SCN3A: variants seen among roughly 807,000 people sequenced by gnomAD.
SCN3A encodes the protein sodium voltage-gated channel alpha subunit 3.
In SCN3A, 60 loss-of-function variants were observed where a neutral mutation model predicts 187.6. That is an observed-to-expected ratio of 0.32 (90% CI 0.26 to 0.40). The LOEUF (loss-of-function observed/expected upper bound fraction) is 0.40, where lower values mean the gene tolerates loss of function less well. Ranked by LOEUF, SCN3A falls within the 10% of genes least tolerant of loss-of-function variation. SCN3A has a pLI of 1.00. For missense variants in SCN3A, 1,601 were observed against 2,428.2 expected (o/e 0.66, Z 7.16); for synonymous variants, 788 against 829.2 (o/e 0.95, Z 0.85).
chr2:165,161,854 A>G (rs1046320982), intron 9 of SCN3A, among the ~76,000 whole-genome samples: 1 of 152,170 alleles, frequency 6.6e-6, no homozygotes, highest in African/African-American at 2.4e-5. Context: ...CTTCAAGAAT[A>G]CTTAAATATT....
Position 165,137,947 on chromosome 2 carries a change from G to T in SCN3A, c.2323C>A (p.Leu775Ile). Reference protein sequence around the residue: ...AITICIVLNTLFMAMEHYPMT... With the variant: ...AITICIVLNTIFMAMEHYPMT... Reference sequence around the variant, plus strand: ...GGGTAGTGCTCCATGGCCATAAAGAGGGTATTTAAGACAATGCAAATAGTG... The same window carrying T: ...GGGTAGTGCTCCATGGCCATAAAGATGGTATTTAAGACAATGCAAATAGTG... The change falls in exon 15 of 28, where the codon CTC (leucine) becomes ATC (isoleucine). Residue 775 changes from leucine (L) to isoleucine (I), a missense_variant. Physicochemically the swap from Leu to Ile is conservative, Grantham distance 5 (BLOSUM62 2). Around this residue, in one of 11 missense-constraint regions of SCN3A, gnomAD observed 376 missense variants for 476.0 expected, o/e 0.79. Coordinates refer to ENST00000283254, the MANE Select transcript of SCN3A (RefSeq NM_006922.4). 1 of 1,613,448 alleles carries T rather than the reference G, an allele frequency of 6.2e-7. No individual in the cohort carries two copies. The highest frequency in any genetic ancestry group is 8.5e-7 in the Non-Finnish European group (1 of 1,179,516).
chr2:165,123,296 T>C (rs1377809169), intron 18 of SCN3A, among the ~76,000 whole-genome samples: 1 of 152,148 alleles, frequency 6.6e-6, no homozygotes, highest in African/African-American at 2.4e-5. Context: ...TATATACAGA[T>C]GTAATATATA....
At chr2:165,107,951 C>T (rs1685939958) in intron 21 of SCN3A, among the ~76,000 whole-genome samples, 1 of 152,284 alleles carries the variant, frequency 6.6e-6, no homozygotes, top group Middle Eastern at 3.4e-3. Flanking sequence ...CCAAATCCAG[C>T]TTGGCCACTT....
intron 18 of SCN3A, among the ~76,000 whole-genome samples, chr2:165,121,064 A>ATTT (rs201334727): frequency 1.4e-5 from 2 of 146,888 alleles, no homozygotes; most frequent in East Asian, 2.0e-4. Flanking sequence ...ACCAGCTTTA[A>ATTT]TTTTTTTTTT....
At chr2:165,154,333 T>TA in intron 11 of SCN3A, 119 bp downstream of exon 11, 1 of 1,104,844 alleles carries the variant, frequency 9.1e-7, no homozygotes, top group Non-Finnish European at 1.3e-6. Flanking sequence ...TTTTTTCTAA[T>TA]GACAATGCCT....
intron 15 of SCN3A, among the ~76,000 whole-genome samples, chr2:165,135,057 C>G (rs1574181362): frequency 6.6e-6 from 1 of 152,050 alleles, no homozygotes; most frequent in East Asian, 1.9e-4. Context: ...CAGTTAAGGC[C>G]CTAAAAATCA....
intron 16 of SCN3A, 118 bp from the exon 17 acceptor site, chr2:165,130,414 T>C (rs1687242184): frequency 3.0e-6 from 3 of 1,016,736 alleles, no homozygotes; most frequent in Non-Finnish European, 4.5e-6. Flanking sequence ...CAAAATATAC[T>C]GAACTGATTC....
At chr2:165,143,618 C>T (rs148860906) in intron 12 of SCN3A, among the ~76,000 whole-genome samples, 1 of 152,294 alleles carries the variant, frequency 6.6e-6, no homozygotes, top group Non-Finnish European at 1.5e-5. Flanking sequence ...GGAATACCCA[C>T]AGCTGTGGCA....
At chr2:165,146,703 G>C in intron 12 of SCN3A, 36 bp downstream of exon 12, 1 of 1,611,820 alleles carries the variant, frequency 6.2e-7, no homozygotes. Flanking sequence ...CAATAGCAAT[G>C]ACAAAGAAAC....
At chr2:165,188,279 A>G (rs192896984) in intron 1 of SCN3A, among the ~76,000 whole-genome samples, 1 of 152,158 alleles carries the variant, frequency 6.6e-6, no homozygotes, top group East Asian at 1.9e-4. Flanking sequence ...CAAAGAGGAG[A>G]GAGTATTTTT....
Position 165,113,000 on chromosome 2 carries a change from G to C in SCN3A, c.3728C>G (p.Ala1243Gly), listed in dbSNP as rs776076936. The change falls in exon 21 of 28, where the codon GCT (alanine) becomes GGT (glycine). Residue 1243 changes from alanine (A) to glycine (G), a missense_variant. Coordinates refer to ENST00000283254, the MANE Select transcript of SCN3A (RefSeq NM_006922.4). ...GAATATATAGGTAAAGACTTTGTCA[G>C]CATATTCTAGCATGGTTTTGATAGT... ...RKTIKTMLEY[A>G]DKVFTYIFIL... is the part of the protein sequence containing the mutation. 1 of 1,612,684 alleles carries C rather than the reference G, an allele frequency of 6.2e-7. No individual in the cohort carries two copies. The highest frequency in any genetic ancestry group is 8.5e-7 in the Non-Finnish European group (1 of 1,179,332).
chr2:165,146,791 G>GA lies in SCN3A; in HGVS notation c.1618dup (p.Ser540PhefsTer10). On this transcript the variant is annotated frameshift_variant, in exon 12 of 28. Transcript: ENST00000283254. LOFTEE classifies it high-confidence loss of function. ...ACTGGTCAGTCTGTTTCCATCCATG[G>GA]AGAAAAGGAAGCTGCTTCTTTTGAC... is the stretch of plus-strand genomic sequence containing the variant. 6.2e-7 allele frequency: 1 copy of GA among 1,614,002 alleles called. No homozygotes were observed. The highest frequency in any genetic ancestry group is 8.5e-7 in the Non-Finnish European group (1 of 1,179,922).
At chr2:165,156,563 A>G (rs1574250132) in intron 9 of SCN3A, among the ~76,000 whole-genome samples, 2 of 150,818 alleles carry the variant, frequency 1.3e-5, no homozygotes, top group African/African-American at 2.4e-5. Flanking sequence ...ATTAAAAGCC[A>G]GAAAACAGAC....
In SCN3A at chr2:165,138,133, C is replaced by A; in HGVS notation, c.2153-16G>T. 6.4e-7 allele frequency: 1 copy of A among 1,568,224 alleles called. No individual in the cohort carries two copies. The highest frequency in any genetic ancestry group is 8.8e-7 in the Non-Finnish European group (1 of 1,138,662). On this transcript the variant is annotated splice_polypyrimidine_tract_variant and intron_variant, in intron 14 of 27. Coordinates refer to ENST00000283254, the MANE Select transcript of SCN3A (RefSeq NM_006922.4). ...TCTTCAAGTTCTGGAGGGACAATAACAAGGAAGAGTAGTAAATAACAACAA... is the reference window on the plus strand; with the variant it reads ...TCTTCAAGTTCTGGAGGGACAATAAAAAGGAAGAGTAGTAAATAACAACAA...
chr2:165,145,977 A>G (rs531469059), intron 12 of SCN3A, among the ~76,000 whole-genome samples: 2 of 152,274 alleles, frequency 1.3e-5, no homozygotes, highest in South Asian at 4.1e-4. Flanking sequence ...AAAACTTACT[A>G]AACATCAAAT....
chr2:165,202,181 C>T (rs571913521), intron 1 of SCN3A, among the ~76,000 whole-genome samples: 13 of 152,022 alleles, frequency 8.6e-5, no homozygotes, highest in East Asian at 1.9e-4. Flanking sequence ...GTTTAATTTC[C>T]GAAATTTTTG....
chr2:165,127,886 G>A lies in SCN3A; in HGVS notation c.3138C>T (p.Asp1046=). ...TTCCAGTATTATTGGACATGCAGCT[G>A]TCTATCTTATTGCCTTCATGGATTT... The part of the protein sequence containing the change: ...VIEIHEGNKI[D]SCMSNNTGIE... The change falls in exon 18 of 28, where the codon GAC becomes GAT. Residue 1046 remains aspartate (D), a synonymous_variant. Transcript: ENST00000283254. The A allele has an allele frequency of 1.2e-6, 2 of 1,614,066 alleles. No homozygotes were observed. The highest frequency in any genetic ancestry group is 1.7e-6 in the Non-Finnish European group (2 of 1,180,008).
chr2:165,148,843 A>G (rs537267576), intron 11 of SCN3A, among the ~76,000 whole-genome samples: 1 of 152,234 alleles, frequency 6.6e-6, no homozygotes, highest in African/African-American at 2.4e-5. Flanking sequence ...ATGATGTAAA[A>G]TGAGAAATAT....
intron 1 of SCN3A, chr2:165,195,099 A>G (rs1691864278): frequency 6.6e-6 from 1 of 152,146 alleles, no homozygotes; most frequent in Non-Finnish European, 1.5e-5. Context: ...AGAAAATTAT[A>G]TATGATAAAA....
Sources: allele counts gnomAD v4.1 joint callset (sites outside exome capture counted in the v4.1 genomes callset), GRCh38; gene constraint gnomAD v4.1.1; regional missense constraint gnomAD v4.1.1; transcripts MANE v1.5; gene names NCBI Gene and HGNC (gene_info 2026-07-23, HGNC 2026-07-21).